The following SUPT5H variants were observed in gnomAD, a reference collection of about 807,000 sequenced individuals.
SUPT5H encodes the protein SPT5 homolog, DSIF elongation factor subunit.
In SUPT5H, 24 loss-of-function variants were observed where a neutral mutation model predicts 142.5. That is an observed-to-expected ratio of 0.17 (90% CI 0.12 to 0.24). The LOEUF (loss-of-function observed/expected upper bound fraction) is 0.24, where lower values mean the gene tolerates loss of function less well. Ranked by LOEUF, SUPT5H falls within the 10% of genes least tolerant of loss-of-function variation. SUPT5H has a pLI of 1.00. For missense variants in SUPT5H, 893 were observed against 1,471.8 expected (o/e 0.61, Z 6.43); for synonymous variants, 546 against 553.0 (o/e 0.99, Z 0.18).
Position 39,466,711 on chromosome 19 carries a change from C to T in SUPT5H, c.1003C>T (p.Pro335Ser). Residue 335 changes from proline (P) to serine (S), a missense_variant, in exon 13 of 30, where the codon CCT becomes TCT. Around this residue, in one of 6 missense-constraint regions of SUPT5H, gnomAD observed 428 missense variants for 763.5 expected, o/e 0.56. Coordinates refer to ENST00000432763, the MANE Select transcript of SUPT5H (RefSeq NM_001111020.3). This position sits in a 1 kb window ranked among gnomAD's most constrained non-coding sequence, Gnocchi z 4.3. ...TGCCAAAAGGAAGAAGTTTAAGCGG[C>T]CTCCACAGAGGCTGTTTGATGCTGA... ...WFAKRKKFKR[P>S]PQRLFDAEKI... 6.2e-7 allele frequency: 1 copy of T among 1,614,236 alleles called. No homozygotes were observed. Among genetic ancestry groups the T allele is most frequent in the Non-Finnish European group, 8.5e-7 (1 of 1,180,050 alleles).
intron 3 of SUPT5H, among the ~76,000 whole-genome samples, chr19:39,454,352 C>G (rs969742351): frequency 1.1e-5 from 1 of 91,440 alleles, no homozygotes. Context: ...TTGTTGTTGT[C>G]GTTGTTTTTT....
intron 10 of SUPT5H, among the ~76,000 whole-genome samples, chr19:39,463,502 A>T (rs547852522): frequency 4.6e-5 from 7 of 152,276 alleles, no homozygotes; most frequent in Non-Finnish European, 8.8e-5. Context: ...ATGTTTACTG[A>T]GACGTGTTTT....
At chr19:39,459,996 A>G (rs771443782) in intron 10 of SUPT5H, 36 bp downstream of exon 10, 7 of 1,604,942 alleles carry the variant, frequency 4.4e-6, no homozygotes, top group South Asian at 1.1e-5. Context: ...GTGGGGAGAC[A>G]TGGCAACACC....
chr19:39,476,250 C>A lies in SUPT5H; in HGVS notation c.3121-6C>A, dbSNP rs200961786. The A allele has an allele frequency of 1.1e-3, 1,815 of 1,614,044 alleles. 1 individual carries two copies. The highest frequency in any genetic ancestry group is 1.5e-3 in the Non-Finnish European group (1,719 of 1,179,988). On this transcript the variant is annotated splice_region_variant and splice_polypyrimidine_tract_variant and intron_variant, in intron 29 of 29. Transcript: ENST00000432763. The stretch of plus-strand genomic sequence containing the variant: ...TGGACCCTGACCATATTCCCCCCAC[C>A]CCCAGGTGAAAGTGATCCTGGGCGA...
Position 39,458,879 on chromosome 19 carries a change from C to T in SUPT5H, c.381C>T (p.Asn127=). ...GTTCTGGGGCTCGCCGCCTGCAAAA[C>T]CTCTGGAGGTGGGCAAGGAAGGGAA... ...EDRSGARRLQ[N]LWRDQREEEL... Residue 127 remains asparagine, a synonymous_variant, in exon 6 of 30, where the codon AAC becomes AAT. Transcript: ENST00000432763. This position sits in a 1 kb window ranked among gnomAD's most constrained non-coding sequence, Gnocchi z 4.2. The T allele has an allele frequency of 6.2e-7, 1 of 1,613,812 alleles. No individual in the cohort carries two copies. The highest frequency in any genetic ancestry group is 8.5e-7 in the Non-Finnish European group (1 of 1,179,814).
chr19:39,462,552 T>C (rs2079176711), intron 10 of SUPT5H, among the ~76,000 whole-genome samples: 1 of 152,014 alleles, frequency 6.6e-6, no homozygotes, highest in Non-Finnish European at 1.5e-5. Flanking sequence ...TTTTTTGAGA[T>C]GGAGTTTTAC....
chr19:39,474,618 A>G lies in SUPT5H; in HGVS notation c.2924A>G (p.Asn975Ser). 3 of 1,614,138 alleles carry G rather than the reference A, an allele frequency of 1.9e-6. No homozygotes were observed. The highest frequency in any genetic ancestry group is 2.5e-6 in the Non-Finnish European group (3 of 1,180,020). ...ACGCCAGGCTCAGGCATCGAGCAGAACTCCAGCGACTGGGTAACCACTGAC... is the reference window on the plus strand; with the variant it reads ...ACGCCAGGCTCAGGCATCGAGCAGAGCTCCAGCGACTGGGTAACCACTGAC... ...PHTPGSGIEQ[N>S]SSDWVTTDIQ... The change falls in exon 28 of 30, where the codon AAC (asparagine) becomes AGC (serine). Residue 975 changes from asparagine (N) to serine (S), a missense_variant. This residue lies in a region of SUPT5H where 336 missense variants were observed against 546.5 expected (regional missense o/e 0.61). Transcript: ENST00000432763. This position sits in a 1 kb window ranked among gnomAD's most constrained non-coding sequence, Gnocchi z 6.5.
intron 3 of SUPT5H, among the ~76,000 whole-genome samples, chr19:39,455,274 C>T (rs370448577): frequency 3.9e-5 from 6 of 152,108 alleles, no homozygotes; most frequent in South Asian, 2.1e-4. Context: ...AAAAAAATTA[C>T]GTGGGGGCTG....
At position 39,446,150 on chromosome 19, in the gene SUPT5H, A is replaced by T. The variant is rs984076508; in HGVS notation, c.75+185A>T. ...AAAGGGACAGGTTCTGGAGGCCAGA[A>T]ATGGGTCAGGTCCAGTGAGATAACA... On this transcript the variant is annotated intron_variant, in intron 2 of 29. Transcript: ENST00000432763. 5.5e-4 allele frequency among the ~76,000 whole-genome samples: 84 copies of T among 152,160 alleles called. 1 individual carries two copies. The highest frequency in any genetic ancestry group is 1.6e-3 in the Admixed American group (24 of 15,268).
chr19:39,459,882 C>T lies in SUPT5H; in HGVS notation c.556-10C>T, dbSNP rs533121284. On this transcript the variant is annotated splice_polypyrimidine_tract_variant and intron_variant, in intron 9 of 29. Transcript: ENST00000432763. ...TGTCATCTCTCTCAAATCTGCCTCT[C>T]ATCTTCCAGATTGGGGAGGAACGGG... 3.1e-6 allele frequency: 5 copies of T among 1,614,138 alleles called. No individual in the cohort carries two copies. Among genetic ancestry groups the T allele is most frequent in the Admixed American group, 3.3e-5 (2 of 60,020 alleles).
At chr19:39,465,128 T>C in intron 11 of SUPT5H, 79 bp downstream of exon 11, 1 of 1,533,180 alleles carries the variant, frequency 6.5e-7, no homozygotes. Flanking sequence ...CTTCCCACCC[T>C]CTTTGTGCTG....
intron 13 of SUPT5H, 87 bp from the exon 14 acceptor site, chr19:39,468,669 T>A: frequency 1.6e-6 from 2 of 1,215,382 alleles, no homozygotes; most frequent in Non-Finnish European, 2.4e-6. Context: ...GGTCCTCTCC[T>A]TCTGTTGCCA....
Position 39,474,535 on chromosome 19 carries a change from C to T in SUPT5H, c.2841C>T (p.Pro947=), listed in dbSNP as rs778252333. The change falls in exon 28 of 30, where the codon CCC becomes CCT. Residue 947 remains proline, a synonymous_variant. Coordinates refer to ENST00000432763, the MANE Select transcript of SUPT5H (RefSeq NM_001111020.3). The surrounding 1 kb of genome is among the most constrained non-coding windows in gnomAD (Gnocchi z 6.5). ...MAYQASPSPS[P]VGYSPMTPGA... ...TGCAGGCTAGCCCCAGCCCGAGCCC[C>T]GTTGGCTACAGTCCTATGACACCTG... 20 of 1,614,224 alleles carry T rather than the reference C, an allele frequency of 1.2e-5. No individual in the cohort carries two copies. The highest frequency in any genetic ancestry group is 4.5e-5 in the East Asian group (2 of 44,890).
At chr19:39,468,574 G>T in intron 13 of SUPT5H, 182 bp from the exon 14 acceptor site, 1 of 604,328 alleles carries the variant, frequency 1.7e-6, no homozygotes, top group Admixed American at 2.8e-5. Context: ...AGTGCAGGGA[G>T]GTGGGAGGCG....
At chr19:39,475,997 C>T in intron 28 of SUPT5H, 84 bp from the exon 29 acceptor site, 2 of 1,296,292 alleles carry the variant, frequency 1.5e-6, no homozygotes, top group East Asian at 2.3e-5. Context: ...TCAGAATGAG[C>T]CCTGAGCCTG....
At chr19:39,459,519 C>G (rs370030406) in intron 8 of SUPT5H, 40 bp from the exon 9 acceptor site, 37 of 1,612,128 alleles carry the variant, frequency 2.3e-5, no homozygotes, top group Admixed American at 5.0e-5. Flanking sequence ...TACTGAAGAT[C>G]CAGCTTCACT....
chr19:39,445,900 A>G lies in SUPT5H; in HGVS notation c.10A>G (p.Ser4Gly). ...CCAGCAGCAGCGGAAGATGTCGGACAGCGAGGACAGCAACTTTTCCGAGGA... is the reference window on the plus strand; with the variant it reads ...CCAGCAGCAGCGGAAGATGTCGGACGGCGAGGACAGCAACTTTTCCGAGGA... Reference protein sequence around the residue: MSDSEDSNFSEEED... With the variant: MSDGEDSNFSEEED... Residue 4 changes from serine to glycine, a missense_variant, in exon 2 of 30, where the codon AGC becomes GGC. This residue lies in a region of SUPT5H where 70 missense variants were observed against 70.5 expected (regional missense o/e 0.99). Transcript: ENST00000432763. The G allele has an allele frequency of 1.2e-6, 2 of 1,613,782 alleles. No homozygotes were observed. The highest frequency in any genetic ancestry group is 1.7e-6 in the Non-Finnish European group (2 of 1,180,020).
intron 11 of SUPT5H, among the ~76,000 whole-genome samples, chr19:39,465,775 A>C (rs1259767128): frequency 6.6e-6 from 1 of 152,166 alleles, no homozygotes; most frequent in Non-Finnish European, 1.5e-5. Context: ...ACCAGGGAGG[A>C]GGCTGCTGCT....
chr19:39,461,854 A>G (rs970899728), intron 10 of SUPT5H, among the ~76,000 whole-genome samples: 1 of 151,422 alleles, frequency 6.6e-6, no homozygotes, highest in Admixed American at 6.6e-5. Context: ...TAATAATAAT[A>G]ATTAAAAGAA....
Sources: allele counts gnomAD v4.1 joint callset (sites outside exome capture counted in the v4.1 genomes callset), GRCh38; gene constraint gnomAD v4.1.1; regional missense constraint gnomAD v4.1.1; non-coding constraint Gnocchi (gnomAD v3.1); transcripts MANE v1.5; gene names NCBI Gene and HGNC (gene_info 2026-07-23, HGNC 2026-07-21).